Variants in TMEM212 observed in about 807,000 individuals in gnomAD.
TMEM212 encodes transmembrane protein 212.
In TMEM212, 23 loss-of-function variants were observed where a neutral mutation model predicts 20.5. That is an observed-to-expected ratio of 1.12 (90% CI 0.81 to 1.59). The LOEUF is 1.59. TMEM212 is among the 40% of genes most tolerant of loss of function. The pLI is 0.00. For synonymous variants in TMEM212, 76 were observed against 81.6 expected (o/e 0.93, Z 0.37); for missense variants, 211 against 215.0 (o/e 0.98, Z 0.12).
chr3:171,845,093 C>T (rs375152872), intron 1 of TMEM212, among the ~76,000 whole-genome samples: 138 of 152,220 alleles, frequency 9.1e-4, no homozygotes, highest in African/African-American at 3.2e-3. Context: ...TTCTCCAACA[C>T]CTACCTGAAA....
intron 1 of TMEM212, among the ~76,000 whole-genome samples, chr3:171,848,629 G>A (rs1025845267): frequency 6.6e-6 from 1 of 151,652 alleles, no homozygotes; most frequent in Non-Finnish European, 1.5e-5. Context: ...GAACAGAGTA[G>A]AGTGGAGTGG....
At chr3:171,852,899 T>C (rs552878480) in intron 2 of TMEM212, among the ~76,000 whole-genome samples, 87 of 152,324 alleles carry the variant, frequency 5.7e-4, no homozygotes, top group African/African-American at 2.0e-3. Flanking sequence ...TCTGATTCAG[T>C]AGATCTGGGT....
intron 2 of TMEM212, 22 bp downstream of exon 2, chr3:171,852,063 A>G (rs1017440108): frequency 3.1e-5 from 47 of 1,525,964 alleles, no homozygotes; most frequent in Non-Finnish European, 3.9e-5. Flanking sequence ...GATGCCAAGT[A>G]GGATGGTAGA....
rs1303276809 is a variant in TMEM212, at chr3:171,858,844, T to C, written c.*787T>C. On this transcript the variant is annotated 3_prime_UTR_variant, in exon 5 of 5. Coordinates refer to ENST00000334567, the MANE Select transcript of TMEM212 (RefSeq NM_001164436.2). ...CAAATCATGCTACTATAAAGACACA[T>C]GCACACGTATGTTTATTGCGGCACT... The C allele has an allele frequency of 2.0e-5, 3 of 152,080 alleles. No homozygotes were observed. Among genetic ancestry groups the C allele is most frequent in the East Asian group, 3.8e-4 (2 of 5,196 alleles). 9.4% of individuals were successfully genotyped at this position (152,080 alleles called of 1,614,324 possible).
chr3:171,854,157 A>G (rs549036404), intron 3 of TMEM212, among the ~76,000 whole-genome samples: 1 of 152,296 alleles, frequency 6.6e-6, no homozygotes, highest in African/African-American at 2.4e-5. Flanking sequence ...TCTATTCAAC[A>G]TAGTACTGGA....
intron 3 of TMEM212, among the ~76,000 whole-genome samples, chr3:171,855,940 G>GT (rs934100068): frequency 6.6e-6 from 1 of 152,130 alleles, no homozygotes; most frequent in East Asian, 1.9e-4. Flanking sequence ...AAGGAAAATA[G>GT]TTTTTTTCCT....
At chr3:171,844,340 G>A (rs554928931) in intron 1 of TMEM212, among the ~76,000 whole-genome samples, 122 of 152,268 alleles carry the variant, frequency 8.0e-4, no homozygotes, top group African/African-American at 2.8e-3. Context: ...ATTGATTCCT[G>A]TGACGCCTGA....
Position 171,852,045 on chromosome 3 carries a change from AAT to A in TMEM212, c.219+8_219+9del, listed in dbSNP as rs1359598954. ...AGAGTGGACCCAGAGGTACCTGGTAAATATACCGATGCCAAGTAGGATGGTAG... is the reference window on the plus strand; with the variant it reads ...AGAGTGGACCCAGAGGTACCTGGTAAATACCGATGCCAAGTAGGATGGTAG... On this transcript the variant is annotated splice_donor_5th_base_variant and intron_variant, in intron 2 of 4. Transcript: ENST00000334567. 1 of 1,536,256 alleles carries A rather than the reference AAT, an allele frequency of 6.5e-7. No individual in the cohort carries two copies. The highest frequency in any genetic ancestry group is 2.4e-5 in the East Asian group (1 of 40,912).
chr3:171,854,797 T>C (rs1046890482), intron 3 of TMEM212, among the ~76,000 whole-genome samples: 8 of 152,030 alleles, frequency 5.3e-5, no homozygotes, highest in African/African-American at 1.9e-4. Context: ...AAACAGACAA[T>C]AGACCAATGG....
At chr3:171,856,628 C>T (rs1339394766) in intron 3 of TMEM212, 35 bp from the exon 4 acceptor site, 1 of 673,498 alleles carries the variant, frequency 1.5e-6, no homozygotes, top group East Asian at 2.8e-5. Flanking sequence ...TTTAAGAAGC[C>T]TTATCAAATT....
intron 1 of TMEM212, among the ~76,000 whole-genome samples, chr3:171,845,127 T>A (rs1360925844): frequency 1.3e-5 from 2 of 152,226 alleles, no homozygotes; most frequent in African/African-American, 4.8e-5. Flanking sequence ...AAAGAAATAT[T>A]TGTTTAAGTT....
Position 171,843,389 on chromosome 3 carries a change from G to C in TMEM212, c.6G>C (p.Lys2Asn). The C allele has an allele frequency of 6.5e-7, 1 of 1,533,158 alleles. No individual in the cohort carries two copies. The highest frequency in any genetic ancestry group is 8.7e-7 in the Non-Finnish European group (1 of 1,145,096). 95.0% of individuals were successfully genotyped at this position (1,533,158 alleles called of 1,614,324 possible). A position where few individuals can be genotyped will look rare whatever the true frequency, so the allele number is the denominator to read the frequency against. Residue 2 changes from lysine (K) to asparagine (N), a missense_variant, in exon 1 of 5, where the codon AAG becomes AAC. Transcript: ENST00000334567. ...GCCTCAAGCCACCAAGGAAAATGAA[G>C]GGCCTCTACCAGGCTGCTGGCCGGA... M[K>N]GLYQAAGRIL...
intron 2 of TMEM212, among the ~76,000 whole-genome samples, chr3:171,853,182 G>C (rs1725024654): frequency 6.7e-6 from 1 of 150,236 alleles, no homozygotes; most frequent in East Asian, 2.0e-4. Flanking sequence ...GCAGGAGGGA[G>C]AGCATCAGGA....
At position 171,853,667 on chromosome 3, in the gene TMEM212, T is replaced by G. The variant is rs902277466; in HGVS notation, c.360T>G (p.Tyr120Ter). 14 of 1,537,414 alleles carry G rather than the reference T, an allele frequency of 9.1e-6. No homozygotes were observed. Among genetic ancestry groups the G allele is most frequent in the Non-Finnish European group, 1.2e-5 (14 of 1,146,944 alleles). The change falls in exon 3 of 5, where the codon TAT becomes TAG. Residue 120 changes from tyrosine (Y) to a stop codon, truncating the protein, a stop_gained. Transcript: ENST00000334567. LOFTEE classifies it high-confidence loss of function. ...TTGCAGGGACTAATTACCTTGGCTA[T>G]GCAGTTACCTTTCCTTATCCATATG... ...SGIAGTNYLG[Y>*]AVTFPYPYAK...
At chr3:171,849,533 A>G (rs1560325951) in intron 1 of TMEM212, among the ~76,000 whole-genome samples, 4 of 152,200 alleles carry the variant, frequency 2.6e-5, no homozygotes, top group Non-Finnish European at 4.4e-5. Context: ...AACACATGTG[A>G]AGTGTTCAAC....
At chr3:171,854,681 T>G (rs139226087) in intron 3 of TMEM212, among the ~76,000 whole-genome samples, 1 of 152,136 alleles carries the variant, frequency 6.6e-6, no homozygotes, top group African/African-American at 2.4e-5. Context: ...AGACCACACA[T>G]AGCCAAAGCG....
At position 171,853,759 on chromosome 3, in the gene TMEM212, T is replaced by C; in HGVS notation, c.452T>C (p.Leu151Pro). Reference sequence around the variant, plus strand: ...GAGTACCACCTGACACTTCAAGCCCTAGACCTGTGCCTAAGCTTTACCCTA... The same window carrying C: ...GAGTACCACCTGACACTTCAAGCCCCAGACCTGTGCCTAAGCTTTACCCTA... Reference protein sequence around the residue: ...YEEYHLTLQALDLCLSFTLLC... With the variant: ...YEEYHLTLQAPDLCLSFTLLC... Residue 151 changes from leucine to proline, a missense_variant, in exon 3 of 5, where the codon CTA becomes CCA. By Grantham distance (98) the Leu-to-Pro change is moderately conservative (BLOSUM62 -3). Coordinates refer to ENST00000334567, the MANE Select transcript of TMEM212 (RefSeq NM_001164436.2). 1 of 1,537,396 alleles carries C rather than the reference T, an allele frequency of 6.5e-7. No individual in the cohort carries two copies. The highest frequency in any genetic ancestry group is 2.4e-5 in the East Asian group (1 of 40,914).
Position 171,853,547 on chromosome 3 carries a change from T to G in TMEM212, c.240T>G (p.Phe80Leu), listed in dbSNP as rs1353667236. 17 of 1,536,562 alleles carry G rather than the reference T, an allele frequency of 1.1e-5. No individual in the cohort carries two copies. The Admixed American group carries it at 2.6e-4, about 23-fold the overall frequency. ...TTCAGGGGGAAGCTACTTTCACCTT[T>G]GTGATTCTGAGCATTATGGGATGTC... ...QRYLGEATFTFVILSIMGCPL... is the reference protein window; with the variant it reads ...QRYLGEATFTLVILSIMGCPL... Residue 80 changes from phenylalanine (F) to leucine (L), a missense_variant, in exon 3 of 5, where the codon TTT (phenylalanine) becomes TTG (leucine). Transcript: ENST00000334567.
In TMEM212 at chr3:171,843,414, A is replaced by T. The variant is rs768216490; in HGVS notation, c.31A>T (p.Ile11Phe). Reference protein sequence around the residue: MKGLYQAAGRILVTLGILSVC... With the variant: MKGLYQAAGRFLVTLGILSVC... ...GGGCCTCTACCAGGCTGCTGGCCGG[A>T]TTCTTGTTACTCTGGGGATCCTCAG... Residue 11 changes from isoleucine (I) to phenylalanine (F), a missense_variant, in exon 1 of 5, where the codon ATT becomes TTT. Ile to Phe is a conservative substitution (Grantham distance 21). Transcript: ENST00000334567. The T allele has an allele frequency of 1.1e-5, 17 of 1,536,644 alleles. No individual in the cohort carries two copies. The South Asian group carries it at 1.7e-4, about 15-fold the overall frequency.
Sources: allele counts gnomAD v4.1 joint callset (sites outside exome capture counted in the v4.1 genomes callset), GRCh38; gene constraint gnomAD v4.1.1; transcripts MANE v1.5; gene names NCBI Gene and HGNC (gene_info 2026-07-23, HGNC 2026-07-21).